The following NR2C2 variants were observed in gnomAD, a reference collection of about 807,000 sequenced individuals.
NR2C2 encodes the protein nuclear receptor subfamily 2 group C member 2.
Under a neutral mutation model 62.9 loss-of-function variants are expected in NR2C2, and 6 were observed. The ratio of observed to expected loss-of-function variants is 0.10; its 90% CI spans 0.05 to 0.19. NR2C2 has a LOEUF of 0.19. Among genes scored for constraint, NR2C2 ranks in the 10% least tolerant of loss-of-function variants. NR2C2 has a pLI of 1.00. For missense variants in NR2C2, 479 were observed against 762.7 expected (o/e 0.63, Z 4.38); for synonymous variants, 272 against 273.8 (o/e 0.99, Z 0.07).
intron 2 of NR2C2, among the ~76,000 whole-genome samples, chr3:15,009,692 AT>A (rs2041295807): frequency 6.6e-6 from 1 of 152,210 alleles, no homozygotes; most frequent in East Asian, 1.9e-4. Flanking sequence ...TGCCTCTTGT[AT>A]TAGTTTCCCA....
At chr3:14,960,524 A>T (rs552117785) in intron 1 of NR2C2, among the ~76,000 whole-genome samples, 12 of 152,304 alleles carry the variant, frequency 7.9e-5, no homozygotes, top group African/African-American at 2.9e-4. Flanking sequence ...TCATAATTTG[A>T]TGTATCAAGC....
intron 4 of NR2C2, 39 bp from the exon 5 acceptor site, chr3:15,020,714 T>C (rs747057751): frequency 8.7e-6 from 14 of 1,605,200 alleles, no homozygotes; most frequent in East Asian, 4.5e-5. Context: ...TCCACAAATA[T>C]AGTCACAAAA....
intron 1 of NR2C2, among the ~76,000 whole-genome samples, chr3:14,971,008 TTG>T (rs1321687947): frequency 6.6e-6 from 1 of 152,240 alleles, no homozygotes. Context: ...ATTATAAGCT[TTG>T]TGTAAGATAA....
chr3:15,038,277 G>T, intron 12 of NR2C2, 140 bp downstream of exon 12: 1 of 862,050 alleles, frequency 1.2e-6, no homozygotes, highest in Non-Finnish European at 1.7e-6. Flanking sequence ...TAGGTGTTTT[G>T]CTAGATAAAT....
intron 1 of NR2C2, among the ~76,000 whole-genome samples, chr3:14,996,807 C>A (rs1194016837): frequency 6.6e-6 from 1 of 152,208 alleles, no homozygotes; most frequent in Non-Finnish European, 1.5e-5. Flanking sequence ...CGTGATCCGC[C>A]CGCCTCGGCC....
At chr3:15,007,227 A>C (rs2041204333) in intron 2 of NR2C2, among the ~76,000 whole-genome samples, 1 of 148,968 alleles carries the variant, frequency 6.7e-6, no homozygotes, top group African/African-American at 2.5e-5. Context: ...TCCCGGGTTC[A>C]TGCCATTCTC....
At chr3:14,955,842 T>TTTTTTTTTTTTTTTTTGAGACGG (rs1252190645) in intron 1 of NR2C2, among the ~76,000 whole-genome samples, 1 of 152,208 alleles carries the variant, frequency 6.6e-6, no homozygotes, top group Admixed American at 6.5e-5. Flanking sequence ...GTGACTTTTT[T>TTTTTTTTTTTTTTTTTGAGACGG]AGGGGAGGTG....
At chr3:14,967,461 C>T (rs1315273488) in intron 1 of NR2C2, among the ~76,000 whole-genome samples, 5 of 151,914 alleles carry the variant, frequency 3.3e-5, no homozygotes, top group Non-Finnish European at 5.9e-5. Context: ...AAATTGGAAA[C>T]CTCATACGTT....
intron 2 of NR2C2, chr3:15,004,406 T>C: frequency 2.9e-6 from 2 of 688,016 alleles, no homozygotes; most frequent in Non-Finnish European, 2.2e-6. Context: ...CACGAAGTTA[T>C]TATGAAGAAT....
intron 11 of NR2C2, 143 bp downstream of exon 11, chr3:15,034,952 A>T (rs1016863822): frequency 1.2e-6 from 1 of 812,580 alleles, no homozygotes; most frequent in Non-Finnish European, 1.9e-6. Flanking sequence ...GGATAGCCTC[A>T]GTTTCCCACA....
At chr3:14,956,817 A>G (rs1195725951) in intron 1 of NR2C2, among the ~76,000 whole-genome samples, 1 of 152,256 alleles carries the variant, frequency 6.6e-6, no homozygotes, top group Non-Finnish European at 1.5e-5. Flanking sequence ...CTGGGATTAC[A>G]GGCATGAGCC....
At position 14,961,714 on chromosome 3, in the gene NR2C2, T is replaced by A. The variant is rs187610856; in HGVS notation, c.-40+13808T>A. 2.0e-5 allele frequency among the ~76,000 whole-genome samples: 3 copies of A among 152,344 alleles called. No individual in the cohort carries two copies. In the East Asian group the frequency reaches 5.8e-4, roughly 29 times the overall value. On this transcript the variant is annotated intron_variant, in intron 1 of 13. Transcript: ENST00000425241. ...CTCTTTGATCTTTAGGTGATCACTC[T>A]TTAGGTGATCTTTCTCAATTTTTAC...
At chr3:14,973,439 G>T (rs1001833876) in intron 1 of NR2C2, among the ~76,000 whole-genome samples, 1 of 151,970 alleles carries the variant, frequency 6.6e-6, no homozygotes, top group Admixed American at 6.6e-5. Context: ...TTGCTATGCC[G>T]CCCAGGCTGG....
At chr3:15,010,762 T>TA (rs2041330678) in intron 2 of NR2C2, among the ~76,000 whole-genome samples, 1 of 151,356 alleles carries the variant, frequency 6.6e-6, no homozygotes, top group Admixed American at 6.6e-5. Flanking sequence ...ATACTGCCAC[T>TA]AAGAGCTGCT....
chr3:14,953,739 C>CA (rs1279199096), intron 1 of NR2C2, among the ~76,000 whole-genome samples: 1 of 151,918 alleles, frequency 6.6e-6, no homozygotes, highest in Non-Finnish European at 1.5e-5. Flanking sequence ...ACTAACAATA[C>CA]AAAAAATTAG....
intron 1 of NR2C2, among the ~76,000 whole-genome samples, chr3:14,953,362 AT>A: frequency 6.6e-6 from 1 of 152,228 alleles, no homozygotes; most frequent in South Asian, 2.1e-4. Flanking sequence ...GTAAAAGAAT[AT>A]TTCCCCCCTG....
chr3:14,981,841 A>G (rs868846616), intron 1 of NR2C2, among the ~76,000 whole-genome samples: 3 of 152,190 alleles, frequency 2.0e-5, no homozygotes, highest in Admixed American at 1.3e-4. Context: ...GTTCGAGGGC[A>G]GGAAGCATCC....
At chr3:14,995,224 C>T (rs1225700998) in intron 1 of NR2C2, among the ~76,000 whole-genome samples, 20 of 150,706 alleles carry the variant, frequency 1.3e-4, no homozygotes, top group Admixed American at 1.3e-3. Flanking sequence ...TGGCAGTTCA[C>T]CTATTTAAGG....
intron 1 of NR2C2, among the ~76,000 whole-genome samples, chr3:14,975,654 G>C (rs2040183626): frequency 6.6e-6 from 1 of 152,098 alleles, no homozygotes; most frequent in African/African-American, 2.4e-5. Context: ...TTGTCCACAG[G>C]GAAGAGAATA....
Sources: gnomAD v4.1 joint callset for allele counts (sites outside exome capture counted in the v4.1 genomes callset) on GRCh38, gnomAD v4.1.1 for gene constraint, MANE v1.5 for transcripts, NCBI Gene and HGNC (gene_info 2026-07-23, HGNC 2026-07-21) for gene names.